RAPGEF6: variants seen among roughly 807,000 people sequenced by gnomAD.
The protein encoded by RAPGEF6 is Rap guanine nucleotide exchange factor 6.
Under a neutral mutation model 171.4 loss-of-function variants are expected in RAPGEF6, and 56 were observed. That is an observed-to-expected ratio of 0.33 (90% CI 0.26 to 0.41). RAPGEF6 has a LOEUF of 0.41. Ranked by LOEUF, RAPGEF6 falls within the 10% of genes least tolerant of loss-of-function variation. The pLI is 1.00. For synonymous variants in RAPGEF6, 692 were observed against 650.1 expected (o/e 1.06, Z -0.98); for missense variants, 1,674 against 1,921.4 (o/e 0.87, Z 2.41).
chr5:131,600,564 G>A (rs1764173723), intron 3 of RAPGEF6, among the ~76,000 whole-genome samples: 1 of 139,542 alleles, frequency 7.2e-6, no homozygotes, highest in African/African-American at 2.6e-5. Context: ...GAGGGAGGGA[G>A]GGAGGGAAAA....
At chr5:131,586,631 A>G (rs932537479) in intron 4 of RAPGEF6, among the ~76,000 whole-genome samples, 2 of 147,548 alleles carry the variant, frequency 1.4e-5, no homozygotes, top group Non-Finnish European at 3.0e-5. Context: ...ACTCTATCTT[A>G]AAAAAAAAAA....
chr5:131,543,899 T>C (rs1279292795), intron 6 of RAPGEF6, among the ~76,000 whole-genome samples: 2 of 152,158 alleles, frequency 1.3e-5, no homozygotes, highest in South Asian at 2.1e-4. Context: ...TTAAAAATAT[T>C]TGAATATTTT....
At chr5:131,429,440 CGA>C (rs1469969492) in intron 26 of RAPGEF6, among the ~76,000 whole-genome samples, 2 of 151,998 alleles carry the variant, frequency 1.3e-5, no homozygotes, top group Non-Finnish European at 2.9e-5. Flanking sequence ...TTAAATAGAA[CGA>C]GAGAGTTGAA....
chr5:131,546,840 T>C (rs1442256241), intron 6 of RAPGEF6, among the ~76,000 whole-genome samples: 1 of 152,196 alleles, frequency 6.6e-6, no homozygotes, highest in Admixed American at 6.5e-5. Flanking sequence ...CAGATTTATC[T>C]GTATGTTGAA....
At chr5:131,449,623 G>T (rs1036657164) in intron 21 of RAPGEF6, among the ~76,000 whole-genome samples, 1 of 152,046 alleles carries the variant, frequency 6.6e-6, no homozygotes. Flanking sequence ...TAAAACTTTA[G>T]GCAACTCAAC....
chr5:131,574,710 C>A (rs1390236213), intron 4 of RAPGEF6, among the ~76,000 whole-genome samples: 1 of 152,114 alleles, frequency 6.6e-6, no homozygotes, highest in East Asian at 1.9e-4. Context: ...TTACCCGATT[C>A]AAGGCCTCCT....
chr5:131,564,439 C>A (rs1198263033), intron 4 of RAPGEF6, among the ~76,000 whole-genome samples: 2 of 152,054 alleles, frequency 1.3e-5, no homozygotes, highest in Non-Finnish European at 2.9e-5. Flanking sequence ...TAAATTAGTC[C>A]CACACTAAAG....
chr5:131,594,662 G>C (rs1187857160), intron 3 of RAPGEF6, among the ~76,000 whole-genome samples: 1 of 152,224 alleles, frequency 6.6e-6, no homozygotes, highest in Non-Finnish European at 1.5e-5. Context: ...GGTAGCCACA[G>C]GGGCTGTACC....
intron 4 of RAPGEF6, among the ~76,000 whole-genome samples, chr5:131,584,138 A>G (rs1763115886): frequency 6.6e-6 from 1 of 152,230 alleles, no homozygotes; most frequent in African/African-American, 2.4e-5. Context: ...ATGTGTTTAT[A>G]TATGCCAAAG....
rs549024594 is a variant in RAPGEF6 at position 131,594,054 on chromosome 5, T to A, written c.198-1588A>T. Among the ~76,000 whole-genome samples, 154 of 152,006 alleles carry A rather than the reference T, an allele frequency of 1.0e-3. 1 individual carries two copies. The highest frequency in any genetic ancestry group is 3.7e-3 in the African/African-American group (152 of 41,448). On this transcript the variant is annotated intron_variant, in intron 3 of 27. Transcript: ENST00000509018. ...AAAATGTTTCCAGGGCATTTCAGAG[T>A]CTTTCAAGGCAGCCTCTCCTATCAC... is the stretch of plus-strand genomic sequence containing the variant.
At chr5:131,526,298 A>G (rs1360647275) in intron 6 of RAPGEF6, among the ~76,000 whole-genome samples, 2 of 152,164 alleles carry the variant, frequency 1.3e-5, no homozygotes, top group African/African-American at 4.8e-5. Flanking sequence ...CCAAACATAC[A>G]CTTCTACATG....
chr5:131,588,419 C>T (rs1763388296), intron 4 of RAPGEF6, among the ~76,000 whole-genome samples: 2 of 152,292 alleles, frequency 1.3e-5, no homozygotes, highest in South Asian at 4.1e-4. Flanking sequence ...GTTAGTATTG[C>T]CATGCCCACT....
At chr5:131,550,209 G>A (rs987110547) in intron 5 of RAPGEF6, among the ~76,000 whole-genome samples, 2 of 152,030 alleles carry the variant, frequency 1.3e-5, no homozygotes, top group Admixed American at 1.3e-4. Flanking sequence ...CTTTAGGCAT[G>A]TTCCTCTCCA....
At chr5:131,619,706 T>C (rs1765493086) in intron 1 of RAPGEF6, among the ~76,000 whole-genome samples, 2 of 152,216 alleles carry the variant, frequency 1.3e-5, no homozygotes, top group South Asian at 2.1e-4. Flanking sequence ...TCAATCCTTA[T>C]CTCTCTTCGA....
intron 15 of RAPGEF6, among the ~76,000 whole-genome samples, chr5:131,487,108 T>TA (rs2149867409): frequency 6.6e-6 from 1 of 152,322 alleles, no homozygotes; most frequent in African/African-American, 2.4e-5. Flanking sequence ...GGTTGAGTGT[T>TA]ACAGCTCTTA....
intron 1 of RAPGEF6, among the ~76,000 whole-genome samples, chr5:131,613,097 T>C (rs1765034984): frequency 6.6e-6 from 1 of 152,218 alleles, no homozygotes; most frequent in Non-Finnish European, 1.5e-5. Context: ...TAATGTTGAC[T>C]GCATGACCCT....
chr5:131,528,298 A>T (rs1348882690), intron 6 of RAPGEF6, among the ~76,000 whole-genome samples: 24 of 101,010 alleles, frequency 2.4e-4, no homozygotes, highest in Non-Finnish European at 3.8e-4. Context: ...AATAAAATAA[A>T]ATAATATATT....
At chr5:131,470,619 A>T (rs973978003) in intron 17 of RAPGEF6, among the ~76,000 whole-genome samples, 1 of 152,226 alleles carries the variant, frequency 6.6e-6, no homozygotes, top group East Asian at 1.9e-4. Context: ...TGGAAGTGTG[A>T]AGACACTTTA....
intron 6 of RAPGEF6, among the ~76,000 whole-genome samples, chr5:131,524,609 T>TGAGAGAGAGAGAGAGAGAGA (rs55956395): frequency 7.4e-6 from 1 of 134,906 alleles, no homozygotes; most frequent in African/African-American, 2.9e-5. Flanking sequence ...AGAGAGAGAT[T>TGAGAGAGAGAGAGAGAGAGA]GAGAGAGAGA....
Sources: gnomAD v4.1 joint callset for allele counts (sites outside exome capture counted in the v4.1 genomes callset) on GRCh38, gnomAD v4.1.1 for gene constraint, MANE v1.5 for transcripts, NCBI Gene and HGNC (gene_info 2026-07-23, HGNC 2026-07-21) for gene names.